The following GPC5 variants were observed in gnomAD, a reference collection of about 807,000 sequenced individuals.
GPC5 encodes glypican-5.
In GPC5, 47 loss-of-function variants were observed where a neutral mutation model predicts 53.9. That is an observed-to-expected ratio of 0.87 (90% CI 0.69 to 1.11). GPC5 has a LOEUF of 1.11. Ranked by LOEUF, GPC5 falls within the 50% of genes most tolerant of loss-of-function variation. The pLI, the probability that GPC5 is intolerant of heterozygous loss-of-function variation, is 0.00. For synonymous variants in GPC5, 286 were observed against 263.3 expected (o/e 1.09, Z -0.84); for missense variants, 748 against 713.1 (o/e 1.05, Z -0.56).
intron 5 of GPC5, among the ~76,000 whole-genome samples, chr13:91,796,308 A>C (rs901156303): frequency 6.6e-6 from 1 of 152,196 alleles, no homozygotes; most frequent in African/African-American, 2.4e-5. Flanking sequence ...TCAGAAGTGC[A>C]GTGGACACCC....
At chr13:92,395,555 A>G (rs752349608) in intron 7 of GPC5, among the ~76,000 whole-genome samples, 18 of 152,168 alleles carry the variant, frequency 1.2e-4, no homozygotes, top group Non-Finnish European at 2.4e-4. Context: ...TCCATCTTCA[A>G]CACTCTTCCT....
intron 6 of GPC5, among the ~76,000 whole-genome samples, chr13:92,019,969 G>T (rs2040743189): frequency 6.6e-6 from 1 of 152,022 alleles, no homozygotes; most frequent in Non-Finnish European, 1.5e-5. Flanking sequence ...GAGTATCTCT[G>T]AGCTAAAATC....
chr13:92,788,079 C>T (rs1258908206), intron 7 of GPC5, among the ~76,000 whole-genome samples: 1 of 151,698 alleles, frequency 6.6e-6, no homozygotes, highest in Non-Finnish European at 1.5e-5. Flanking sequence ...TAAACCTGTA[C>T]CTGATATTAA....
At chr13:91,415,672 A>G (rs1189755763) in intron 1 of GPC5, among the ~76,000 whole-genome samples, 2 of 150,564 alleles carry the variant, frequency 1.3e-5, no homozygotes, top group Non-Finnish European at 2.9e-5. Flanking sequence ...AGAGAAATTT[A>G]ACTATATTGA....
At chr13:92,250,031 A>AC in intron 7 of GPC5, among the ~76,000 whole-genome samples, 1 of 152,318 alleles carries the variant, frequency 6.6e-6, no homozygotes, top group Non-Finnish European at 1.5e-5. Flanking sequence ...ATCAATGGAT[A>AC]ATAAATACTT....
At chr13:92,350,852 G>A (rs943605687) in intron 7 of GPC5, among the ~76,000 whole-genome samples, 1 of 151,954 alleles carries the variant, frequency 6.6e-6, no homozygotes, top group Non-Finnish European at 1.5e-5. Context: ...AATTCAAAAA[G>A]TTTAGAGAGA....
At chr13:92,190,532 T>G (rs2042216005) in intron 7 of GPC5, among the ~76,000 whole-genome samples, 1 of 152,142 alleles carries the variant, frequency 6.6e-6, no homozygotes, top group Non-Finnish European at 1.5e-5. Flanking sequence ...TGCATATGTA[T>G]GCTTATACAT....
chr13:92,401,562 G>A (rs1339504529), intron 7 of GPC5, among the ~76,000 whole-genome samples: 1 of 152,068 alleles, frequency 6.6e-6, no homozygotes, highest in Non-Finnish European at 1.5e-5. Flanking sequence ...ATTTCACAGA[G>A]GTTATTTTGG....
intron 2 of GPC5, among the ~76,000 whole-genome samples, chr13:91,666,260 CAGTATG>C (rs1413454125): frequency 1.3e-5 from 2 of 152,212 alleles, no homozygotes; most frequent in African/African-American, 4.8e-5. Flanking sequence ...TAATGGTTAA[CAGTATG>C]AGTTTTAGAC....
At chr13:92,091,634 T>G (rs987462309) in intron 6 of GPC5, among the ~76,000 whole-genome samples, 1 of 152,020 alleles carries the variant, frequency 6.6e-6, no homozygotes, top group African/African-American at 2.4e-5. Context: ...ATATGATAAA[T>G]GTACCACGAA....
chr13:92,803,583 G>T (rs894085180), intron 7 of GPC5, among the ~76,000 whole-genome samples: 1 of 151,600 alleles, frequency 6.6e-6, no homozygotes, highest in Non-Finnish European at 1.5e-5. Flanking sequence ...TATCACCTAA[G>T]GTCTTGTATT....
At chr13:91,582,787 C>A in intron 2 of GPC5, among the ~76,000 whole-genome samples, 1 of 152,172 alleles carries the variant, frequency 6.6e-6, no homozygotes, top group South Asian at 2.1e-4. Context: ...CTGAGGCGGG[C>A]AGATAACTTG....
At chr13:91,979,292 G>A (rs1056529953) in intron 6 of GPC5, among the ~76,000 whole-genome samples, 1 of 152,174 alleles carries the variant, frequency 6.6e-6, no homozygotes, top group Non-Finnish European at 1.5e-5. Context: ...AGGTGTCCCA[G>A]AGGAAGCAGT....
chr13:92,415,146 A>G (rs923588229), intron 7 of GPC5, among the ~76,000 whole-genome samples: 1 of 152,214 alleles, frequency 6.6e-6, no homozygotes, highest in Non-Finnish European at 1.5e-5. Flanking sequence ...GGAGAGCTGG[A>G]CAGGAGTGAA....
intron 7 of GPC5, among the ~76,000 whole-genome samples, chr13:92,713,733 C>A (rs547840647): frequency 4.5e-4 from 68 of 151,734 alleles, no homozygotes; most frequent in African/African-American, 1.6e-3. Context: ...TGTCTTATTT[C>A]TTATTGAGAC....
At chr13:91,950,271 T>G (rs1193788240) in intron 6 of GPC5, among the ~76,000 whole-genome samples, 5 of 150,248 alleles carry the variant, frequency 3.3e-5, no homozygotes, top group African/African-American at 7.4e-5. Context: ...GCCAAGTTTT[T>G]TTTTTTTTTT....
intron 7 of GPC5, among the ~76,000 whole-genome samples, chr13:92,371,474 G>T (rs1341768635): frequency 6.6e-6 from 1 of 152,044 alleles, no homozygotes; most frequent in African/African-American, 2.4e-5. Context: ...TCAAAAATAG[G>T]GGTGTATTAG....
intron 7 of GPC5, among the ~76,000 whole-genome samples, chr13:92,235,283 C>T (rs1049999055): frequency 2.0e-5 from 3 of 151,982 alleles, no homozygotes; most frequent in Admixed American, 6.6e-5. Context: ...CCAGAGCACC[C>T]GTGGATTGAC....
intron 7 of GPC5, among the ~76,000 whole-genome samples, chr13:92,215,417 C>T (rs1009993822): frequency 7.9e-5 from 12 of 152,112 alleles, no homozygotes; most frequent in Non-Finnish European, 1.3e-4. Flanking sequence ...AATTTTAATA[C>T]ATCAACATTT....
Sources: gnomAD v4.1 joint callset for allele counts (sites outside exome capture counted in the v4.1 genomes callset) on GRCh38, gnomAD v4.1.1 for gene constraint, MANE v1.5 for transcripts, NCBI Gene and HGNC (gene_info 2026-07-23, HGNC 2026-07-21) for gene names.